CRYM: variants seen among roughly 807,000 people sequenced by gnomAD.
CRYM encodes crystallin mu, also known as ketimine reductase mu-crystallin.
CRYM carries 18 observed loss-of-function variants against 32.9 expected under a neutral mutation model. That is an observed-to-expected ratio of 0.55 (90% CI 0.38 to 0.81). The LOEUF is 0.81. Among genes scored for constraint, CRYM ranks in the 30% least tolerant of loss-of-function variants. The pLI, the probability that CRYM is intolerant of heterozygous loss-of-function variation, is 0.00. For synonymous variants in CRYM, 153 were observed against 152.4 expected (o/e 1.00, Z -0.03); for missense variants, 337 against 393.5 (o/e 0.86, Z 1.21).
upstream of CRYM, chr16:21,278,358 A>G: frequency 7.0e-7 from 1 of 1,425,938 alleles, no homozygotes; most frequent in Non-Finnish European, 9.5e-7. Flanking sequence ...CCTGCTGGTC[A>G]CAGCCCAGCC....
intron 1 of CRYM, chr16:21,283,401 C>A (rs2093401504): frequency 6.6e-6 from 1 of 152,140 alleles, no homozygotes. Context: ...TTTCCTTTTG[C>A]TGTAGATGCC....
intron 1 of CRYM, among the ~76,000 whole-genome samples, chr16:21,288,083 A>G (rs550435992): frequency 8.5e-5 from 13 of 152,314 alleles, no homozygotes; most frequent in African/African-American, 3.1e-4. Flanking sequence ...ATTCGAAAAT[A>G]CTTTGTAGTG....
intron 1 of CRYM, among the ~76,000 whole-genome samples, chr16:21,291,702 C>CACATGTGT (rs1169744707): frequency 1.3e-5 from 2 of 152,052 alleles, no homozygotes; most frequent in African/African-American, 4.8e-5. Flanking sequence ...GCTTATTTGC[C>CACATGTGT]ACATGTGTAT....
rs1330011658 is a variant in CRYM at position 21,278,093 on chromosome 16, G to C, written c.159C>G (p.Thr53=). 5 of 1,546,084 alleles carry C rather than the reference G, an allele frequency of 3.2e-6. No homozygotes were observed. The Admixed American group carries it at 5.9e-5, about 18-fold the overall frequency. Reference sequence around the variant, plus strand: ...CCCTCCTCACTCACCCCCTGTGCTTGGTCACCGGCACCACGGTGCGCACGG... The same window carrying C: ...CCCTCCTCACTCACCCCCTGTGCTTCGTCACCGGCACCACGGTGCGCACGG... ...MQPVRTVVPV[T]KHRGYLGVMP... is the part of the protein sequence containing the mutation. The change falls in exon 1 of 8, where the codon ACC becomes ACG. Residue 53 remains threonine (T), a synonymous_variant. Transcript: ENST00000572914.
chr16:21,271,018 T>C (rs553489428), intron 3 of CRYM, among the ~76,000 whole-genome samples: 4 of 152,286 alleles, frequency 2.6e-5, no homozygotes, highest in Non-Finnish European at 5.9e-5. Context: ...ACAGAGGTAG[T>C]CTTATTTGCA....
chr16:21,286,384 AT>A (rs894297420), intron 1 of CRYM, among the ~76,000 whole-genome samples: 321 of 140,164 alleles, frequency 2.3e-3, no homozygotes, highest in East Asian at 3.1e-3. Context: ...CGCCCAGCTA[AT>A]TTTTTTTTTT....
intron 1 of CRYM, among the ~76,000 whole-genome samples, chr16:21,291,676 C>T (rs1453299376): frequency 6.6e-6 from 1 of 152,132 alleles, no homozygotes; most frequent in Non-Finnish European, 1.5e-5. Flanking sequence ...TGAAACTTCT[C>T]AACATCTTTG....
Position 21,275,514 on chromosome 16 carries a change from G to A in CRYM, c.387+18C>T. ...CTTGACAGCTCACCTTAATGGTACA[G>A]CCAGCCATTCATCTTACCTTGGTGG... is the stretch of plus-strand genomic sequence containing the variant. On this transcript the variant is annotated intron_variant, in intron 3 of 7. Transcript: ENST00000572914. The A allele has an allele frequency of 6.2e-7, 1 of 1,610,248 alleles. No homozygotes were observed. Among genetic ancestry groups the A allele is most frequent in the South Asian group, 1.1e-5 (1 of 90,990 alleles).
At chr16:21,299,793 T>G (rs1960866553) in intron 1 of CRYM, 1 of 152,232 alleles carries the variant, frequency 6.6e-6, no homozygotes, top group Admixed American at 6.5e-5. Context: ...TATTGCCTTT[T>G]GTATTAACCT....
chr16:21,267,469 T>C (rs1868793605), intron 5 of CRYM, 85 bp downstream of exon 5: 6 of 1,386,166 alleles, frequency 4.3e-6, no homozygotes, highest in Non-Finnish European at 6.1e-6. Flanking sequence ...ATGAATAAAC[T>C]GGCTCTGCAA....
intron 1 of CRYM, among the ~76,000 whole-genome samples, chr16:21,286,790 T>G (rs910155372): frequency 6.6e-6 from 1 of 152,166 alleles, no homozygotes; most frequent in Non-Finnish European, 1.5e-5. Flanking sequence ...GAGTTCCTTT[T>G]GGAAGATACT....
intron 1 of CRYM, among the ~76,000 whole-genome samples, chr16:21,295,666 T>C (rs1271563295): frequency 6.6e-6 from 1 of 152,190 alleles, no homozygotes; most frequent in Non-Finnish European, 1.5e-5. Context: ...GATGTGGTGG[T>C]TCACGTCTAT....
intron 1 of CRYM, among the ~76,000 whole-genome samples, chr16:21,301,681 T>C (rs1960941079): frequency 6.6e-6 from 1 of 152,210 alleles, no homozygotes; most frequent in Non-Finnish European, 1.5e-5. Context: ...ACCTCCTGCC[T>C]TCCGCACCGC....
intron 3 of CRYM, among the ~76,000 whole-genome samples, chr16:21,270,646 C>A (rs935884368): frequency 1.3e-5 from 2 of 152,160 alleles, no homozygotes; most frequent in Non-Finnish European, 2.9e-5. Context: ...TACTCCAAAG[C>A]CCATGTCCTT....
chr16:21,286,643 A>C (rs1420634236), intron 1 of CRYM, among the ~76,000 whole-genome samples: 1 of 152,228 alleles, frequency 6.6e-6, no homozygotes, highest in African/African-American at 2.4e-5. Context: ...ATTTCTTACA[A>C]TTTTGGAACA....
chr16:21,278,235 G>A lies in CRYM; in HGVS notation c.17C>T (p.Ala6Val). MSRVP[A>V]FLSAAEVEEH... ...CTCCACCTCGGCCGCGCTCAGGAACGCTGGTACCCGGCTCATCTCGCCACC... is the reference window on the plus strand; with the variant it reads ...CTCCACCTCGGCCGCGCTCAGGAACACTGGTACCCGGCTCATCTCGCCACC... Residue 6 changes from alanine to valine, a missense_variant, in exon 1 of 8, where the codon GCG (alanine) becomes GTG (valine). Transcript: ENST00000572914. 1 of 1,582,918 alleles carries A rather than the reference G, an allele frequency of 6.3e-7. No individual in the cohort carries two copies. Among genetic ancestry groups the A allele is most frequent in the Non-Finnish European group, 8.6e-7 (1 of 1,167,766 alleles).
chr16:21,289,437 T>G (rs1278783045), intron 1 of CRYM, among the ~76,000 whole-genome samples: 4 of 152,234 alleles, frequency 2.6e-5, no homozygotes, highest in African/African-American at 7.2e-5. Flanking sequence ...TTTTTCTGTC[T>G]TTTAAACTTT....
intron 1 of CRYM, among the ~76,000 whole-genome samples, chr16:21,290,990 A>G (rs1202965095): frequency 6.6e-6 from 1 of 152,222 alleles, no homozygotes; most frequent in African/African-American, 2.4e-5. Context: ...CAAAGCTGTA[A>G]TTATCAACAC....
At chr16:21,285,103 G>A (rs1177851937) in intron 1 of CRYM, among the ~76,000 whole-genome samples, 1 of 152,060 alleles carries the variant, frequency 6.6e-6, no homozygotes, top group Non-Finnish European at 1.5e-5. Context: ...TTTTGCCCAT[G>A]TTTTATTTGG....
Sources: gnomAD v4.1 joint callset for allele counts (sites outside exome capture counted in the v4.1 genomes callset) on GRCh38, gnomAD v4.1.1 for gene constraint, MANE v1.5 for transcripts, NCBI Gene and HGNC (gene_info 2026-07-23, HGNC 2026-07-21) for gene names.